Variants in WDFY3 observed in about 807,000 individuals in gnomAD.
WDFY3 encodes the protein WD repeat and FYVE domain-containing protein 3.
A neutral mutation model predicts 409.6 loss-of-function variants in WDFY3; 66 were observed. The observed-to-expected ratio is 0.16, with a 90% CI of 0.13 to 0.20. WDFY3 has a LOEUF of 0.20. WDFY3 is among the 10% of genes least tolerant of loss of function. The probability of loss-of-function intolerance (pLI) is 1.00; values close to 1 mark genes in which losing one functional copy is unlikely to be tolerated. For synonymous variants in WDFY3, 1,521 were observed against 1,537.1 expected, an observed-to-expected ratio of 0.99 and a Z score of 0.25; for missense variants, 3,031 against 4,298.1, an observed-to-expected ratio of 0.71 and a Z score of 8.24.
chr4:84,706,080 GATTC>G (rs2148963968), intron 53 of WDFY3, among the ~76,000 whole-genome samples: 1 of 152,210 alleles, frequency 6.6e-6, no homozygotes, highest in Admixed American at 6.5e-5. Flanking sequence ...CAATGAGATG[GATTC>G]TTCTAGTTTA....
intron 2 of WDFY3, among the ~76,000 whole-genome samples, chr4:84,911,997 G>A (rs550834198): frequency 2.0e-5 from 3 of 152,154 alleles, no homozygotes; most frequent in Non-Finnish European, 2.9e-5. Context: ...CAAATGTTGC[G>A]AGTATTCATT....
chr4:84,810,451 T>A, intron 13 of WDFY3, 107 bp from the exon 14 acceptor site: 2 of 974,380 alleles, frequency 2.1e-6, no homozygotes, highest in Non-Finnish European at 2.9e-6. Flanking sequence ...ATCTGACATG[T>A]TTTTATCATT....
chr4:84,937,316 T>G (rs1771548814), intron 1 of WDFY3, among the ~76,000 whole-genome samples: 1 of 152,134 alleles, frequency 6.6e-6, no homozygotes, highest in African/African-American at 2.4e-5. Context: ...CCAACTCTAT[T>G]GGTTTCATCC....
At chr4:84,737,117 T>G in intron 41 of WDFY3, 67 bp downstream of exon 41, 1 of 1,546,598 alleles carries the variant, frequency 6.5e-7, no homozygotes, top group South Asian at 1.1e-5. Flanking sequence ...AGTCACATAT[T>G]TAAAGTATAC....
chr4:84,751,002 C>T (rs1740417451), intron 36 of WDFY3, among the ~76,000 whole-genome samples: 2 of 152,246 alleles, frequency 1.3e-5, no homozygotes, highest in Admixed American at 6.5e-5. Context: ...GGTAAGAAGA[C>T]AATGCCACTA....
At chr4:84,742,016 T>C (rs2149234686) in intron 37 of WDFY3, 95 bp from the exon 38 acceptor site, 1 of 1,222,468 alleles carries the variant, frequency 8.2e-7, no homozygotes, top group Non-Finnish European at 1.1e-6. Context: ...GTAAAATAAG[T>C]GTATCTACAA....
At chr4:84,702,256 G>T in intron 56 of WDFY3, 97 bp downstream of exon 56, 2 of 1,293,860 alleles carry the variant, frequency 1.5e-6, no homozygotes, top group Non-Finnish European at 2.1e-6. Flanking sequence ...TTTTTTTCTT[G>T]TTAATGTGTG....
In WDFY3 at chr4:84,909,899, T is replaced by C. The variant is rs564608428; in HGVS notation, c.-131-12889A>G. Among the ~76,000 whole-genome samples the C allele has an allele frequency of 2.0e-5, 3 of 152,298 alleles. No homozygotes were observed. In the East Asian group the frequency reaches 5.8e-4, roughly 29 times the overall value. On this transcript the variant is annotated intron_variant, in intron 2 of 67. Coordinates refer to ENST00000295888, the MANE Select transcript of WDFY3 (RefSeq NM_014991.6). The stretch of plus-strand genomic sequence containing the variant: ...ACTTGCTTGCTTTAACATTTTTTCC[T>C]AGTATAACTCCATAAGTATTCATAA...
chr4:84,771,861 G>A (rs1054270992), intron 30 of WDFY3, among the ~76,000 whole-genome samples: 1 of 152,162 alleles, frequency 6.6e-6, no homozygotes, highest in African/African-American at 2.4e-5. Context: ...ATTGGCAGTA[G>A]GTAACTGTCA....
intron 14 of WDFY3, 177 bp downstream of exon 14, chr4:84,809,710 A>C (rs1459291867): frequency 3.5e-6 from 2 of 566,120 alleles, no homozygotes; most frequent in Non-Finnish European, 5.8e-6. Context: ...GCTAAAAAAA[A>C]AAAAAAACAA....
intron 34 of WDFY3, among the ~76,000 whole-genome samples, chr4:84,754,193 C>T (rs1212752317): frequency 6.6e-6 from 1 of 152,012 alleles, no homozygotes; most frequent in Non-Finnish European, 1.5e-5. Flanking sequence ...ACCAAAGTGG[C>T]TGTATTACCA....
chr4:84,705,265 T>C (rs1731736383), intron 54 of WDFY3, 129 bp downstream of exon 54: 1 of 712,126 alleles, frequency 1.4e-6, no homozygotes, highest in African/African-American at 1.8e-5. Flanking sequence ...CATATATGTG[T>C]GGACATATAA....
At chr4:84,762,884 G>A (rs1450194220) in intron 32 of WDFY3, among the ~76,000 whole-genome samples, 1 of 151,896 alleles carries the variant, frequency 6.6e-6, no homozygotes, top group Non-Finnish European at 1.5e-5. Flanking sequence ...GGCTGAGATG[G>A]GAGGACTGCT....
intron 24 of WDFY3, among the ~76,000 whole-genome samples, chr4:84,783,886 CA>C: frequency 6.6e-6 from 1 of 151,908 alleles, no homozygotes; most frequent in Non-Finnish European, 1.5e-5. Flanking sequence ...CACACACACA[CA>C]CACACACACA....
intron 30 of WDFY3, among the ~76,000 whole-genome samples, chr4:84,768,764 T>C (rs1234002009): frequency 4.6e-5 from 7 of 152,214 alleles, no homozygotes; most frequent in Non-Finnish European, 8.8e-5. Context: ...AGGAGTAATC[T>C]TGACTTTGAA....
chr4:84,891,414 A>C (rs1764932988), intron 3 of WDFY3, among the ~76,000 whole-genome samples: 1 of 152,176 alleles, frequency 6.6e-6, no homozygotes, highest in Admixed American at 6.5e-5. Flanking sequence ...TACACCATAA[A>C]ATATTCATTT....
rs1771059519 is a variant in WDFY3, at chr4:84,933,745, T to G, written c.-225-1382A>C. Among the ~76,000 whole-genome samples the G allele has an allele frequency of 3.3e-5, 5 of 152,120 alleles. No homozygotes were observed. In the South Asian group the frequency reaches 1.0e-3, roughly 32 times the overall value. ...TTTATGAGTTCAATTGTTTTAATTT[T>G]TAGCTCCCAGAAATGAGTGAAGACA... On this transcript the variant is annotated intron_variant, in intron 1 of 67. Transcript: ENST00000295888.
At chr4:84,710,471 G>A (rs898162614) in intron 51 of WDFY3, among the ~76,000 whole-genome samples, 17 of 152,124 alleles carry the variant, frequency 1.1e-4, no homozygotes, top group African/African-American at 3.6e-4. Flanking sequence ...ATGGAACCAG[G>A]AGAAAGTATT....
At chr4:84,909,048 G>GCACA (rs1009275659) in intron 2 of WDFY3, among the ~76,000 whole-genome samples, 3 of 145,330 alleles carry the variant, frequency 2.1e-5, no homozygotes, top group Non-Finnish European at 4.5e-5. Flanking sequence ...ACACACACAC[G>GCACA]CACACACACA....
Sources: gnomAD v4.1 joint callset for allele counts (sites outside exome capture counted in the v4.1 genomes callset) on GRCh38, gnomAD v4.1.1 for gene constraint, MANE v1.5 for transcripts, NCBI Gene and HGNC (gene_info 2026-07-23, HGNC 2026-07-21) for gene names.